SHPRH: variants seen among roughly 807,000 people sequenced by gnomAD.
SHPRH encodes SNF2 histone linker PHD RING helicase.
In SHPRH, 106 loss-of-function variants were observed where a neutral mutation model predicts 202.5. The ratio of observed to expected loss-of-function variants is 0.52; its 90% CI spans 0.45 to 0.62. The LOEUF (loss-of-function observed/expected upper bound fraction) is 0.62. Among genes scored for constraint, SHPRH ranks in the 20% least tolerant of loss-of-function variants. The pLI is 0.00. For synonymous variants in SHPRH, 729 were observed against 686.0 expected, an observed-to-expected ratio of 1.06 and a Z score of -0.98; for missense variants, 1,710 against 2,020.0, an observed-to-expected ratio of 0.85 and a Z score of 2.94.
chr6:145,867,631 TAGAGAGAGAG>T (rs748613165), intron 2 of SHPRH, among the ~76,000 whole-genome samples: 69 of 22,304 alleles, frequency 3.1e-3, no homozygotes, highest in African/African-American at 6.1e-3. Context: ...TATATATATA[TAGAGAGAGAG>T]AGAGAGAGAG....
At position 145,945,408 on chromosome 6, in the gene SHPRH, C is replaced by T. The variant is rs1160775775; in HGVS notation, c.1551G>A (p.Glu517=). The T allele has an allele frequency of 1.2e-6, 2 of 1,612,436 alleles. No homozygotes were observed. The highest frequency in any genetic ancestry group is 1.7e-5 in the Admixed American group (1 of 59,752). The change falls in exon 8 of 30, where the codon GAG becomes GAA. Residue 517 remains glutamate, a synonymous_variant. Transcript: ENST00000275233. The part of the protein sequence containing the change: ...TFTLGKNYKE[E]DICDKTKKQA... ...GCTTTTTTGTTTTATCACATATATC[C>T]TCTTCCTTGTAATTCTTTCCCAATG...
At chr6:145,858,600 G>A in the SHPRH span, among the ~76,000 whole-genome samples, 1 of 151,938 alleles carries the variant, frequency 6.6e-6, no homozygotes, top group African/African-American at 2.4e-5. Flanking sequence ...AAAGAAGCAT[G>A]AGGAAACTTT....
At chr6:145,913,435 T>G (rs1245721188) in intron 24 of SHPRH, 43 bp downstream of exon 24, 3 of 1,529,712 alleles carry the variant, frequency 2.0e-6, no homozygotes, top group Non-Finnish European at 2.7e-6. Flanking sequence ...TTGAAAACTG[T>G]AAGGTATTTT....
intron 16 of SHPRH, 142 bp downstream of exon 16, chr6:145,926,062 C>T (rs903193107): frequency 1.8e-5 from 14 of 787,542 alleles, no homozygotes; most frequent in Non-Finnish European, 2.6e-5. Context: ...CCCAAAATCA[C>T]AACAAAATTC....
intron 23 of SHPRH, among the ~76,000 whole-genome samples, chr6:145,914,333 G>C (rs1388343091): frequency 6.6e-6 from 1 of 152,104 alleles, no homozygotes; most frequent in Admixed American, 6.6e-5. Context: ...GAATGGGAGG[G>C]TCATTGCTGT....
chr6:145,956,698 T>G (rs1483938309), intron 1 of SHPRH, among the ~76,000 whole-genome samples: 1 of 152,140 alleles, frequency 6.6e-6, no homozygotes, highest in Non-Finnish European at 1.5e-5. Context: ...TAACTTACTA[T>G]ACTTTCATTC....
At position 145,923,714 on chromosome 6, in the gene SHPRH, T is replaced by C. The variant is rs373053605; in HGVS notation, c.3474A>G (p.Leu1158=). The change falls in exon 18 of 30, where the codon CTA becomes CTG. Residue 1158 remains leucine (L), a synonymous_variant. Transcript: ENST00000275233. ...RAIEFTIDEE[L]VQRVRNEITS... ...TTATTTCATTTCGCACTCGCTGAAC[T>C]AGCTCCTCATCAATAGTAAATTCTA... is the stretch of plus-strand genomic sequence containing the variant. 450 of 1,612,092 alleles carry C rather than the reference T, an allele frequency of 2.8e-4. No homozygotes were observed. Among genetic ancestry groups the C allele is most frequent in the Non-Finnish European group, 3.7e-4 (436 of 1,178,856 alleles).
intron 2 of SHPRH, among the ~76,000 whole-genome samples, chr6:145,865,819 C>A (rs1289243440): frequency 6.6e-6 from 1 of 152,182 alleles, no homozygotes; most frequent in Admixed American, 6.5e-5. Flanking sequence ...ACCAGTTTAC[C>A]TTTTATGCTT....
chr6:145,897,466 A>C (rs1240424703), intron 25 of SHPRH, among the ~76,000 whole-genome samples: 1 of 152,156 alleles, frequency 6.6e-6, no homozygotes, highest in Non-Finnish European at 1.5e-5. Context: ...CATTTAAAGA[A>C]GAACTAATAC....
At chr6:145,904,117 A>C (rs1383451853) in intron 25 of SHPRH, 2 of 152,098 alleles carry the variant, frequency 1.3e-5, no homozygotes, top group Non-Finnish European at 2.9e-5. Flanking sequence ...TCTACTACTA[A>C]TAAATAATAG....
In SHPRH at chr6:145,894,130, G is replaced by A. The variant is rs17840313; in HGVS notation, c.4695+20C>T. On this transcript the variant is annotated intron_variant, in intron 27 of 29. Coordinates refer to ENST00000275233, the MANE Select transcript of SHPRH (RefSeq NM_001042683.3). ...TGCAACTGTATCCACTACAAAAACC[G>A]GAGTAAAATCTTAACATACCTGAAA... The A allele has an allele frequency of 2.5e-3, 3,978 of 1,569,074 alleles. 106 individuals carry two copies. In the African/African-American group the frequency reaches 0.047, roughly 19 times the overall value.
In SHPRH at chr6:145,926,813, TTA is replaced by T. The variant is rs1784923904; in HGVS notation, c.3201+374_3201+375del. Among the ~76,000 whole-genome samples, 4 of 152,094 alleles carry T rather than the reference TTA, an allele frequency of 2.6e-5. No individual in the cohort carries two copies. In the South Asian group the frequency reaches 8.3e-4, roughly 31 times the overall value. ...CCCTAAAGACCTCTAAAAATTATCA[TTA>T]GATAGATTTTATTGCTTAGTTCCTT... is the stretch of plus-strand genomic sequence containing the variant. On this transcript the variant is annotated intron_variant, in intron 15 of 29. Transcript: ENST00000275233.
chr6:145,933,010 C>G (rs750483848), intron 14 of SHPRH, 47 bp downstream of exon 14: 1 of 1,581,886 alleles, frequency 6.3e-7, no homozygotes, highest in Non-Finnish European at 8.6e-7. Context: ...ATTAACCTTC[C>G]TCAGGAAGTG....
At chr6:145,940,923 C>T (rs1786702848) in intron 10 of SHPRH, 122 bp from the exon 11 acceptor site, 2 of 862,522 alleles carry the variant, frequency 2.3e-6, no homozygotes, top group East Asian at 2.6e-5. Flanking sequence ...GATGTACCTA[C>T]TTTTATTTAA....
intron 1 of SHPRH, among the ~76,000 whole-genome samples, chr6:145,959,499 T>G (rs953374953): frequency 8.9e-6 from 1 of 112,466 alleles, no homozygotes; most frequent in Non-Finnish European, 1.8e-5. Flanking sequence ...CACCTAGGTT[T>G]GTGTAAGTAT....
At chr6:145,899,044 C>A (rs1412174449) in intron 25 of SHPRH, among the ~76,000 whole-genome samples, 1 of 152,004 alleles carries the variant, frequency 6.6e-6, no homozygotes, top group East Asian at 1.9e-4. Context: ...GAACTCCTGG[C>A]CTCGAGTGAT....
At chr6:145,921,540 G>A (rs1404742680) in intron 20 of SHPRH, 148 bp from the exon 21 acceptor site, 2 of 547,164 alleles carry the variant, frequency 3.7e-6, no homozygotes, top group Non-Finnish European at 6.3e-6. Flanking sequence ...AATTTGGCCA[G>A]TTTTTTTTTT....
chr6:145,890,130 C>G (rs111582940), intron 28 of SHPRH, among the ~76,000 whole-genome samples: 4 of 152,126 alleles, frequency 2.6e-5, no homozygotes, highest in African/African-American at 9.7e-5. Flanking sequence ...TTCTCTGCAG[C>G]AAAACTCCTC....
chr6:145,902,452 G>C (rs971687033), intron 25 of SHPRH, among the ~76,000 whole-genome samples: 1 of 152,088 alleles, frequency 6.6e-6, no homozygotes, highest in Non-Finnish European at 1.5e-5. Flanking sequence ...GTGTTAAAAT[G>C]ACAGAAAATT....
Sources: gnomAD v4.1 joint callset for allele counts (sites outside exome capture counted in the v4.1 genomes callset) on GRCh38, gnomAD v4.1.1 for gene constraint, MANE v1.5 for transcripts, NCBI Gene and HGNC (gene_info 2026-07-23, HGNC 2026-07-21) for gene names.